Variants in DOCK4 observed in about 807,000 individuals in gnomAD.
The protein encoded by DOCK4 is dedicator of cytokinesis 4.
DOCK4 carries 97 observed loss-of-function variants against 268.1 expected under a neutral mutation model. That is an observed-to-expected ratio of 0.36 (90% CI 0.31 to 0.43). The LOEUF (loss-of-function observed/expected upper bound fraction) is 0.43, where lower values mean the gene tolerates loss of function less well. Among genes scored for constraint, DOCK4 ranks in the 20% least tolerant of loss-of-function variants. The probability of loss-of-function intolerance (pLI) is 1.00; values close to 1 mark genes in which losing one functional copy is unlikely to be tolerated. For synonymous variants in DOCK4, 954 were observed against 887.2 expected (o/e 1.08, Z -1.34); for missense variants, 2,145 against 2,455.7 (o/e 0.87, Z 2.67).
chr7:111,821,290 T>G (rs1801958298), intron 27 of DOCK4: 1 of 152,144 alleles, frequency 6.6e-6, no homozygotes, highest in Admixed American at 6.5e-5. Flanking sequence ...GATAGATGCT[T>G]AGAGAATCCA....
At chr7:111,959,128 G>A (rs535400586) in intron 8 of DOCK4, among the ~76,000 whole-genome samples, 62 of 151,588 alleles carry the variant, frequency 4.1e-4, no homozygotes, top group Non-Finnish European at 3.7e-4. Context: ...AGGGAAGGTC[G>A]CTGTGGGTCA....
intron 22 of DOCK4, 82 bp from the exon 23 acceptor site, chr7:111,863,646 C>A: frequency 2.2e-6 from 3 of 1,371,378 alleles, no homozygotes; most frequent in Non-Finnish European, 2.9e-6. Context: ...GTTTAAGGAC[C>A]GTGGCAAGTG....
At chr7:111,746,218 C>T (rs908746128) in intron 44 of DOCK4, 116 bp downstream of exon 44, 9 of 727,358 alleles carry the variant, frequency 1.2e-5, no homozygotes, top group Non-Finnish European at 1.6e-5. Flanking sequence ...AATCTGTCAC[C>T]CTTGCTTGCC....
intron 14 of DOCK4, 68 bp from the exon 15 acceptor site, chr7:111,900,604 A>AAG: frequency 1.3e-6 from 2 of 1,508,288 alleles, no homozygotes; most frequent in Non-Finnish European, 1.8e-6. Context: ...AGGCAGAGCA[A>AAG]TCACTTTGCT....
At chr7:111,853,613 T>C (rs1416108104) in intron 23 of DOCK4, among the ~76,000 whole-genome samples, 1 of 152,132 alleles carries the variant, frequency 6.6e-6, no homozygotes, top group Admixed American at 6.5e-5. Context: ...ATGCAGACAA[T>C]GTCAGGATCA....
At chr7:111,952,534 T>TATC (rs2134890311) in intron 8 of DOCK4, among the ~76,000 whole-genome samples, 1 of 152,364 alleles carries the variant, frequency 6.6e-6, no homozygotes, top group Non-Finnish European at 1.5e-5. Flanking sequence ...GATTTATATT[T>TATC]ATCACTTTTA....
At chr7:111,945,308 C>T (rs1015021255) in intron 9 of DOCK4, among the ~76,000 whole-genome samples, 1 of 152,204 alleles carries the variant, frequency 6.6e-6, no homozygotes, top group Non-Finnish European at 1.5e-5. Context: ...GCCTCAGCCT[C>T]CCGAGTAACT....
At chr7:111,849,549 A>C (rs780005932) in intron 23 of DOCK4, among the ~76,000 whole-genome samples, 12 of 151,724 alleles carry the variant, frequency 7.9e-5, no homozygotes, top group Admixed American at 2.0e-4. Flanking sequence ...TTTTTTCTTT[A>C]TTTATTTTGG....
chr7:111,905,039 T>C (rs1472939427), intron 13 of DOCK4, among the ~76,000 whole-genome samples: 1 of 152,250 alleles, frequency 6.6e-6, no homozygotes, highest in African/African-American at 2.4e-5. Context: ...ACACTTCTCC[T>C]GGACGACATT....
At chr7:112,099,922 T>G (rs1447938778) in intron 1 of DOCK4, among the ~76,000 whole-genome samples, 2 of 152,192 alleles carry the variant, frequency 1.3e-5, no homozygotes, top group Non-Finnish European at 2.9e-5. Context: ...TTTTGTAGAT[T>G]TATTACACAA....
intron 1 of DOCK4, among the ~76,000 whole-genome samples, chr7:112,130,519 G>T (rs1231528271): frequency 6.6e-6 from 1 of 152,106 alleles, no homozygotes; most frequent in Non-Finnish European, 1.5e-5. Context: ...TGTTTTTTCT[G>T]TCTAAGCAAA....
intron 13 of DOCK4, among the ~76,000 whole-genome samples, chr7:111,908,112 T>A (rs1696133953): frequency 6.6e-6 from 1 of 152,204 alleles, no homozygotes; most frequent in Non-Finnish European, 1.5e-5. Context: ...GCTGTTTCAA[T>A]TCCATCTGTT....
chr7:112,034,712 C>A (rs1803586147), intron 1 of DOCK4, among the ~76,000 whole-genome samples: 1 of 152,158 alleles, frequency 6.6e-6, no homozygotes, highest in South Asian at 2.1e-4. Context: ...CCAGCCTGGG[C>A]ATCATGGTGA....
chr7:111,795,806 C>T (rs1293137497), intron 30 of DOCK4, among the ~76,000 whole-genome samples: 1 of 152,148 alleles, frequency 6.6e-6, no homozygotes, highest in Non-Finnish European at 1.5e-5. Context: ...GTGCCTAAGA[C>T]CTTCATAAGC....
chr7:111,910,303 T>G (rs1791987440), intron 13 of DOCK4, among the ~76,000 whole-genome samples: 3 of 152,318 alleles, frequency 2.0e-5, no homozygotes, highest in African/African-American at 7.2e-5. Context: ...AACTTGGATC[T>G]CCCTGATGCT....
chr7:111,871,385 T>C (rs1806418260), intron 20 of DOCK4, among the ~76,000 whole-genome samples: 1 of 152,190 alleles, frequency 6.6e-6, no homozygotes, highest in Non-Finnish European at 1.5e-5. Context: ...CAAAGCATAA[T>C]ATTATTCATA....
chr7:111,828,575 C>A (rs560350190), intron 26 of DOCK4, among the ~76,000 whole-genome samples: 29 of 152,166 alleles, frequency 1.9e-4, no homozygotes, highest in Non-Finnish European at 3.8e-4. Context: ...ATTTGAAAAT[C>A]TCAATATATA....
At chr7:111,927,721 G>T (rs1310187724) in intron 12 of DOCK4, among the ~76,000 whole-genome samples, 1 of 152,118 alleles carries the variant, frequency 6.6e-6, no homozygotes, top group Non-Finnish European at 1.5e-5. Flanking sequence ...TCCATGGGCT[G>T]CAAACCATTT....
intron 36 of DOCK4, among the ~76,000 whole-genome samples, chr7:111,775,379 G>T (rs2133711367): frequency 6.6e-6 from 1 of 152,260 alleles, no homozygotes; most frequent in African/African-American, 2.4e-5. Flanking sequence ...TAATTAAAGG[G>T]TTCTGCTTAA....
Sources: gnomAD v4.1 joint callset for allele counts (sites outside exome capture counted in the v4.1 genomes callset) on GRCh38, gnomAD v4.1.1 for gene constraint, MANE v1.5 for transcripts, NCBI Gene and HGNC (gene_info 2026-07-23, HGNC 2026-07-21) for gene names.